Variants in TMEM263 observed in about 807,000 individuals in gnomAD.
TMEM263 encodes the protein transmembrane protein 263, also known as UPF0444 transmembrane protein C12orf23.
Under a neutral mutation model 8.6 loss-of-function variants are expected in TMEM263, and 5 were observed. That is an observed-to-expected ratio of 0.58 (90% CI 0.31 to 1.23). The LOEUF (loss-of-function observed/expected upper bound fraction) is 1.23. Ranked by LOEUF, TMEM263 falls within the 50% of genes most tolerant of loss-of-function variation. TMEM263 has a pLI of 0.07. For missense variants in TMEM263, 104 were observed against 138.8 expected, an observed-to-expected ratio of 0.75 and a Z score of 1.26; for synonymous variants, 50 against 47.9, an observed-to-expected ratio of 1.04 and a Z score of -0.18.
chr12:106,967,092 T>G lies in TMEM263; in HGVS notation c.-6-19T>G. The G allele has an allele frequency of 6.6e-7, 1 of 1,519,850 alleles. No individual in the cohort carries two copies. Among genetic ancestry groups the G allele is most frequent in the South Asian group, 1.2e-5 (1 of 83,778 alleles). The allele number at this position is 1,519,850 out of a possible 1,614,324, so 94.1% of individuals were successfully genotyped here. ...ATGTTGAGGTTAAAATGAAATGTGT[T>G]TGTATGTTTTTTTTTTAGGAGATCA... On this transcript the variant is annotated intron_variant, in intron 2 of 3. Transcript: ENST00000280756.
intron 3 of TMEM263, among the ~76,000 whole-genome samples, chr12:106,970,060 A>G (rs958009876): frequency 6.6e-6 from 1 of 152,128 alleles, no homozygotes; most frequent in African/African-American, 2.4e-5. Context: ...TCTCTATCCT[A>G]CTTATGTCTG....
chr12:106,966,940 T>G (rs991867337), intron 2 of TMEM263, 171 bp from the exon 3 acceptor site: 1 of 560,658 alleles, frequency 1.8e-6, no homozygotes, highest in Non-Finnish European at 3.1e-6. Context: ...AAGTATTTAT[T>G]AAATGCCGCA....
intron 2 of TMEM263, among the ~76,000 whole-genome samples, chr12:106,965,143 G>A (rs897775092): frequency 2.0e-5 from 3 of 152,108 alleles, no homozygotes; most frequent in African/African-American, 7.2e-5. Flanking sequence ...CACTTTACTG[G>A]CTGTTCCTTC....
At chr12:106,961,035 CGTCCT>C (rs11276890) in intron 2 of TMEM263, among the ~76,000 whole-genome samples, 3,725 of 151,442 alleles carry the variant, frequency 0.025, 103 homozygotes, top group African/African-American at 0.071. Flanking sequence ...CTCTTCTCTT[CGTCCT>C]GTCCTGTCCT....
intron 2 of TMEM263, among the ~76,000 whole-genome samples, chr12:106,960,606 A>T (rs1270791209): frequency 6.6e-6 from 1 of 152,138 alleles, no homozygotes; most frequent in Non-Finnish European, 1.5e-5. Context: ...GAATGAACTC[A>T]TGGTGGGCGT....
chr12:106,966,548 C>A (rs1951850253), intron 2 of TMEM263, among the ~76,000 whole-genome samples: 1 of 152,124 alleles, frequency 6.6e-6, no homozygotes, highest in African/African-American at 2.4e-5. Context: ...GAGAAATCTC[C>A]AAACTGTTTT....
chr12:106,963,444 G>A (rs1201016169), intron 2 of TMEM263, among the ~76,000 whole-genome samples: 1 of 152,190 alleles, frequency 6.6e-6, no homozygotes, highest in East Asian at 1.9e-4. Context: ...CCGATAATTA[G>A]ATGGGAATGT....
chr12:106,969,673 C>A (rs969668738), intron 3 of TMEM263, among the ~76,000 whole-genome samples: 1 of 150,858 alleles, frequency 6.6e-6, no homozygotes, highest in African/African-American at 2.4e-5. Flanking sequence ...TTGCAGTGAG[C>A]CAAGATCACG....
At chr12:106,956,275 T>A (rs1008756162) in intron 1 of TMEM263, among the ~76,000 whole-genome samples, 1 of 152,142 alleles carries the variant, frequency 6.6e-6, no homozygotes, top group African/African-American at 2.4e-5. Flanking sequence ...CTCCTCCTTA[T>A]ACGTCGCTGA....
At chr12:106,970,057 C>G (rs1002418387) in intron 3 of TMEM263, among the ~76,000 whole-genome samples, 1 of 152,118 alleles carries the variant, frequency 6.6e-6, no homozygotes, top group South Asian at 2.1e-4. Context: ...GTTTCTCTAT[C>G]CTACTTATGT....
chr12:106,970,641 G>A (rs115631112), intron 3 of TMEM263, among the ~76,000 whole-genome samples: 7 of 152,066 alleles, frequency 4.6e-5, no homozygotes, highest in African/African-American at 1.2e-4. Context: ...AATGGTCTTC[G>A]GCATCTGTAG....
At chr12:106,959,285 C>G (rs1191721664) in intron 2 of TMEM263, 3 of 152,154 alleles carry the variant, frequency 2.0e-5, no homozygotes, top group African/African-American at 4.8e-5. Context: ...CTCTGTCGCC[C>G]AGGCTGGAGT....
rs77067983 is a variant in TMEM263 at position 106,961,484 on chromosome 12, A to T, written c.-7+4335A>T. Among the ~76,000 whole-genome samples, 941 of 152,220 alleles carry T rather than the reference A, an allele frequency of 6.2e-3. 8 individuals carry two copies. Among genetic ancestry groups the T allele is most frequent in the African/African-American group, 0.021 (875 of 41,516 alleles). On this transcript the variant is annotated intron_variant, in intron 2 of 3. Coordinates refer to ENST00000280756, the MANE Select transcript of TMEM263 (RefSeq NM_152261.4). ...CAAACCAGGGAGAAATAGCAATCCA[A>T]GTAGCAATCTTGAGGAGGTGTGGAA...
intron 2 of TMEM263, among the ~76,000 whole-genome samples, chr12:106,964,995 C>T (rs1478931127): frequency 6.6e-6 from 1 of 152,164 alleles, no homozygotes; most frequent in African/African-American, 2.4e-5. Context: ...TCACCTTACT[C>T]TTTTGTCCAG....
At chr12:106,962,523 C>G (rs542246773) in intron 2 of TMEM263, among the ~76,000 whole-genome samples, 1 of 152,260 alleles carries the variant, frequency 6.6e-6, no homozygotes, top group South Asian at 2.1e-4. Context: ...ATGAGCTGGC[C>G]AATTAAGGCT....
chr12:106,956,778 TGGG>T (rs1175978411), intron 1 of TMEM263: 1 of 151,052 alleles, frequency 6.6e-6, no homozygotes, highest in South Asian at 2.1e-4. Context: ...CCTTCGGGAG[TGGG>T]GGGAGTGCTG....
At position 106,956,079 on chromosome 12, in the gene TMEM263, G is replaced by T. The variant is rs910368314; in HGVS notation, c.-75+14G>T. 2.0e-6 allele frequency: 2 copies of T among 980,610 alleles called. No individual in the cohort carries two copies. Among genetic ancestry groups the T allele is most frequent in the Non-Finnish European group, 2.4e-6 (2 of 825,642 alleles). 60.7% of individuals were successfully genotyped at this position (980,610 alleles called of 1,614,324 possible). On this transcript the variant is annotated intron_variant, in intron 1 of 3. Transcript: ENST00000280756. ...GCGACCCCGGCGGTGAGTGAGTCGG[G>T]ATGCGAGGGCAGGGGCGCAGTCCCG...
At chr12:106,957,236 G>C (rs1434576887) in intron 2 of TMEM263, 87 bp downstream of exon 2, 2 of 916,584 alleles carry the variant, frequency 2.2e-6, no homozygotes, top group African/African-American at 3.5e-5. Flanking sequence ...TCGCGCCCAT[G>C]CTTAACTTTT....
chr12:106,957,468 T>A (rs1230926434), intron 2 of TMEM263, among the ~76,000 whole-genome samples: 2 of 151,962 alleles, frequency 1.3e-5, no homozygotes, highest in African/African-American at 2.4e-5. Flanking sequence ...TTTTTTTTTT[T>A]AACTACAGGA....
Sources: gnomAD v4.1 joint callset for allele counts (sites outside exome capture counted in the v4.1 genomes callset) on GRCh38, gnomAD v4.1.1 for gene constraint, MANE v1.5 for transcripts, NCBI Gene and HGNC (gene_info 2026-07-23, HGNC 2026-07-21) for gene names.